Variants in DENND4A observed in about 807,000 individuals in gnomAD.
DENND4A encodes C-myc promoter-binding protein.
In DENND4A, 70 loss-of-function variants were observed where a neutral mutation model predicts 199.3. The observed-to-expected ratio is 0.35, with a 90% CI of 0.29 to 0.43. The LOEUF is 0.43. DENND4A is among the 20% of genes least tolerant of loss of function. The pLI, the probability that DENND4A is intolerant of heterozygous loss-of-function variation, is 1.00. For missense variants in DENND4A, 1,723 were observed against 2,255.8 expected, an observed-to-expected ratio of 0.76 and a Z score of 4.78; for synonymous variants, 686 against 766.9, an observed-to-expected ratio of 0.89 and a Z score of 1.74.
intron 11 of DENND4A, chr15:65,727,752 C>A (rs961627975): frequency 7.4e-6 from 2 of 271,862 alleles, no homozygotes; most frequent in Non-Finnish European, 7.1e-6. Flanking sequence ...GTGGACAGTG[C>A]ATCAATTTCC....
At chr15:65,723,046 C>T in intron 11 of DENND4A, 98 bp from the exon 12 acceptor site, 3 of 895,946 alleles carry the variant, frequency 3.3e-6, no homozygotes, top group Non-Finnish European at 4.6e-6. Context: ...AGATTAAACA[C>T]CTTGAATGAA....
At chr15:65,687,952 G>C (rs146484184) in intron 23 of DENND4A, among the ~76,000 whole-genome samples, 150 of 152,138 alleles carry the variant, frequency 9.9e-4, no homozygotes, top group African/African-American at 3.5e-3. Flanking sequence ...GGAGGTTTCA[G>C]CCATTATTTT....
At chr15:65,778,959 G>T (rs2077361453) in intron 1 of DENND4A, among the ~76,000 whole-genome samples, 1 of 151,032 alleles carries the variant, frequency 6.6e-6, no homozygotes, top group Admixed American at 6.6e-5. Context: ...ATTAAATACT[G>T]ACTGCTATAA....
rs765578634 is a variant in DENND4A at position 65,752,403 on chromosome 15, G to T, written c.537C>A (p.Val179=). The change falls in exon 4 of 33, where the codon GTC becomes GTA. Residue 179 remains valine (V), a synonymous_variant. Coordinates refer to ENST00000443035, the MANE Select transcript of DENND4A (RefSeq NM_001320835.1). ...GESPPHTFCK[V]DKNLNNSMWG... is the part of the protein sequence containing the mutation. ...CCATACTGTTATTGAGATTCTTGTC[G>T]ACTTTGCAGAACGTGTGTGGTGGGC... 2 of 1,585,066 alleles carry T rather than the reference G, an allele frequency of 1.3e-6. No individual in the cohort carries two copies. Among genetic ancestry groups the T allele is most frequent in the East Asian group, 2.3e-5 (1 of 42,748 alleles).
chr15:65,767,320 C>T (rs1409695338), intron 1 of DENND4A: 1 of 152,200 alleles, frequency 6.6e-6, no homozygotes, highest in Admixed American at 6.5e-5. Flanking sequence ...TATTTATTCT[C>T]TCTCTTTCCA....
intron 29 of DENND4A, among the ~76,000 whole-genome samples, chr15:65,666,297 T>C (rs1009636345): frequency 3.9e-5 from 6 of 152,126 alleles, no homozygotes; most frequent in African/African-American, 1.4e-4. Context: ...TTTGTGCCAT[T>C]AAGTAAAACA....
At chr15:65,765,081 A>G (rs2076947999) in intron 1 of DENND4A, among the ~76,000 whole-genome samples, 1 of 152,142 alleles carries the variant, frequency 6.6e-6, no homozygotes, top group East Asian at 1.9e-4. Context: ...AAAAACTTTA[A>G]TTTTATTCCA....
At chr15:65,694,626 TATAA>T (rs1018770969) in intron 22 of DENND4A, among the ~76,000 whole-genome samples, 1 of 152,126 alleles carries the variant, frequency 6.6e-6, no homozygotes, top group African/African-American at 2.4e-5. Flanking sequence ...TACTGCAAAA[TATAA>T]ATAAACCCGA....
intron 12 of DENND4A, among the ~76,000 whole-genome samples, chr15:65,722,646 C>T (rs56867667): frequency 9.5e-4 from 137 of 144,104 alleles, no homozygotes; most frequent in African/African-American, 3.4e-3. Flanking sequence ...CAGAGCGAGA[C>T]TCCGTCTCGA....
chr15:65,740,467 T>A (rs2076229709), intron 5 of DENND4A, among the ~76,000 whole-genome samples: 2 of 139,614 alleles, frequency 1.4e-5, no homozygotes, highest in South Asian at 4.7e-4. Context: ...AAAAAAAAAA[T>A]TAGCCAGGCA....
intron 1 of DENND4A, among the ~76,000 whole-genome samples, chr15:65,764,563 G>A (rs919238381): frequency 3.9e-5 from 6 of 152,138 alleles, no homozygotes; most frequent in Admixed American, 6.5e-5. Flanking sequence ...CCCTGGAGGC[G>A]GAGGTTGCAG....
Position 65,660,291 on chromosome 15 carries a change from T to C in DENND4A, c.*1560A>G, listed in dbSNP as rs2075812214. On this transcript the variant is annotated 3_prime_UTR_variant, in exon 33 of 33. Coordinates refer to ENST00000443035, the MANE Select transcript of DENND4A (RefSeq NM_001320835.1). ...CATTATTTCCCAGAGTTGGAAGCTG[T>C]GAAATGTTTCAGCATGGTGCTATTC... 2.0e-6 allele frequency: 3 copies of C among 1,535,148 alleles called. No homozygotes were observed. The highest frequency in any genetic ancestry group is 1.2e-5 in the South Asian group (1 of 84,050).
chr15:65,664,920 TG>T (rs1236292249), intron 30 of DENND4A, 198 bp from the exon 31 acceptor site: 1 of 528,406 alleles, frequency 1.9e-6, no homozygotes, highest in Non-Finnish European at 3.3e-6. Flanking sequence ...AAGCTTTCTG[TG>T]GTCTTAAATA....
chr15:65,740,299 A>G, intron 5 of DENND4A, among the ~76,000 whole-genome samples: 1 of 150,740 alleles, frequency 6.6e-6, no homozygotes, highest in East Asian at 1.9e-4. Flanking sequence ...AAAAAGAAAG[A>G]AAAAAAAAGA....
intron 3 of DENND4A, among the ~76,000 whole-genome samples, chr15:65,754,668 C>T (rs2076655208): frequency 6.6e-6 from 1 of 152,142 alleles, no homozygotes; most frequent in South Asian, 2.1e-4. Context: ...TAAAAAGATG[C>T]TCAACATCAT....
rs575726950 is a variant in DENND4A at position 65,668,472 on chromosome 15, G to A, written c.4788-349C>T. 6.6e-5 allele frequency among the ~76,000 whole-genome samples: 10 copies of A among 151,860 alleles called. No individual in the cohort carries two copies. In the South Asian group the frequency reaches 2.1e-3, roughly 32 times the overall value. On this transcript the variant is annotated intron_variant, in intron 27 of 32. Transcript: ENST00000443035. ...CATCTGCCCACCTCGGCCTCCCAAAGTGCTGGGATTACAAGTGTGGGCCAC... is the reference window on the plus strand; with the variant it reads ...CATCTGCCCACCTCGGCCTCCCAAAATGCTGGGATTACAAGTGTGGGCCAC...
At chr15:65,758,140 A>C (rs1393656487) in intron 2 of DENND4A, among the ~76,000 whole-genome samples, 2 of 152,208 alleles carry the variant, frequency 1.3e-5, no homozygotes, top group Non-Finnish European at 2.9e-5. Flanking sequence ...AAAGTCTACC[A>C]GAAGTTAAGT....
At chr15:65,748,090 C>T (rs1377778666) in intron 4 of DENND4A, among the ~76,000 whole-genome samples, 2 of 129,164 alleles carry the variant, frequency 1.5e-5, no homozygotes, top group African/African-American at 5.7e-5. Context: ...TGCTTCCCTA[C>T]ACTTCAGAAA....
intron 29 of DENND4A, among the ~76,000 whole-genome samples, chr15:65,665,764 T>C (rs2040701617): frequency 1.3e-5 from 2 of 151,924 alleles, no homozygotes; most frequent in South Asian, 4.2e-4. Context: ...AATCCAGGAG[T>C]CCCATCCTAT....
Sources: allele counts gnomAD v4.1 joint callset (sites outside exome capture counted in the v4.1 genomes callset), GRCh38; gene constraint gnomAD v4.1.1; transcripts MANE v1.5; gene names NCBI Gene and HGNC (gene_info 2026-07-23, HGNC 2026-07-21).